Variants in SLC6A12 observed in about 807,000 individuals in gnomAD.
The protein encoded by SLC6A12 is sodium- and chloride-dependent betaine transporter.
Under a neutral mutation model 73.3 loss-of-function variants are expected in SLC6A12, and 50 were observed. That is an observed-to-expected ratio of 0.68 (90% CI 0.54 to 0.86). The LOEUF (loss-of-function observed/expected upper bound fraction) is 0.86, where lower values mean the gene tolerates loss of function less well. Ranked by LOEUF, SLC6A12 falls within the 40% of genes least tolerant of loss-of-function variation. The pLI is 0.00. For synonymous variants in SLC6A12, 304 were observed against 309.2 expected, an observed-to-expected ratio of 0.98 and a Z score of 0.18; for missense variants, 648 against 772.8, an observed-to-expected ratio of 0.84 and a Z score of 1.92.
intron 3 of SLC6A12, among the ~76,000 whole-genome samples, chr12:208,715 T>G (rs1362280211): frequency 2.0e-5 from 3 of 152,180 alleles, no homozygotes; most frequent in Admixed American, 2.0e-4. Flanking sequence ...GAGGAGCGAC[T>G]GCGAATGAAT....
At chr12:196,699 G>A in intron 11 of SLC6A12, 71 bp downstream of exon 11, 3 of 1,066,200 alleles carry the variant, frequency 2.8e-6, no homozygotes, top group Non-Finnish European at 4.3e-6. Flanking sequence ...TGAGGGGAAA[G>A]TAGTCCCAGG....
intron 7 of SLC6A12, among the ~76,000 whole-genome samples, chr12:199,366 C>CTT (rs1198964723): frequency 1.3e-5 from 2 of 152,232 alleles, no homozygotes; most frequent in African/African-American, 4.8e-5. Context: ...TCTGGTCTTT[C>CTT]TTAATCCTTT....
chr12:193,225 T>C, intron 14 of SLC6A12, 52 bp downstream of exon 14: 1 of 1,297,660 alleles, frequency 7.7e-7, no homozygotes, highest in Non-Finnish European at 1.1e-6. Context: ...CCCTCATCTC[T>C]GGAGTCTTCT....
intron 15 of SLC6A12, among the ~76,000 whole-genome samples, chr12:191,837 C>A (rs1313103348): frequency 6.6e-6 from 1 of 152,218 alleles, no homozygotes; most frequent in Non-Finnish European, 1.5e-5. Context: ...TCCCTAAGGG[C>A]CTCTTTAAGC....
At position 209,975 on chromosome 12, in the gene SLC6A12, C is replaced by T. The variant is rs751831587; in HGVS notation, c.12G>A (p.Lys4=). Residue 4 remains lysine, a synonymous_variant, in exon 3 of 16, where the codon AAG becomes AAA. Transcript: ENST00000684302. MDG[K]VAVQECGPPA... is the part of the protein sequence containing the mutation. ...GAGGCCCACACTCTTGCACTGCCACCTTCCCGTCCATGGCTGTGTGGTGGG... is the reference window on the plus strand; with the variant it reads ...GAGGCCCACACTCTTGCACTGCCACTTTCCCGTCCATGGCTGTGTGGTGGG... 3 of 1,614,170 alleles carry T rather than the reference C, an allele frequency of 1.9e-6. No homozygotes were observed. Among genetic ancestry groups the T allele is most frequent in the Admixed American group, 3.3e-5 (2 of 60,024 alleles).
At chr12:191,445 C>T (rs1364630112) in intron 15 of SLC6A12, among the ~76,000 whole-genome samples, 1 of 152,194 alleles carries the variant, frequency 6.6e-6, no homozygotes. Context: ...ACCTGCGCCA[C>T]CTAAGGCTGC....
At chr12:184,396 G>A in the SLC6A12 span, among the ~76,000 whole-genome samples, 1 of 152,104 alleles carries the variant, frequency 6.6e-6, no homozygotes, top group Non-Finnish European at 1.5e-5. Context: ...AGGCCGAGGT[G>A]GGTGGATCAC....
intron 4 of SLC6A12, 79 bp from the exon 5 acceptor site, chr12:202,959 A>G: frequency 8.3e-6 from 11 of 1,328,344 alleles, no homozygotes; most frequent in Non-Finnish European, 9.5e-6. Flanking sequence ...CTGCCAGTTG[A>G]GGTTACAAGG....
downstream of SLC6A12, among the ~76,000 whole-genome samples, chr12:187,589 C>CAAAAAAAAGAAAAAAAAAA (rs1939454062): frequency 9.4e-6 from 1 of 106,074 alleles, no homozygotes; most frequent in African/African-American, 5.3e-5. Context: ...TGCAAAAGAG[C>CAAAAAAAAGAAAAAAAAAA]AAAAAAAAAA....
At position 196,136 on chromosome 12, in the gene SLC6A12, G is replaced by A; in HGVS notation, c.1314C>T (p.Phe438=). 6.4e-7 allele frequency: 1 copy of A among 1,561,592 alleles called. No homozygotes were observed. The highest frequency in any genetic ancestry group is 8.7e-7 in the Non-Finnish European group (1 of 1,152,566). The stretch of plus-strand genomic sequence containing the variant: ...GGCCGCAGCTCACCTCGGTGACCAG[G>A]AAAAGCCCTATCAGGTAGCACATGA... ...IAVMCYLIGL[F]LVTEGGMYIF... The change falls in exon 12 of 16, where the codon TTC becomes TTT. Residue 438 remains phenylalanine (F), a synonymous_variant. Coordinates refer to ENST00000684302, the MANE Select transcript of SLC6A12 (RefSeq NM_001122848.3).
chr12:197,959 G>A lies in SLC6A12; in HGVS notation c.891C>T (p.Ile297=), dbSNP rs1940007563. Residue 297 remains isoleucine (I), a synonymous_variant, in exon 9 of 16, where the codon ATC becomes ATT. Transcript: ENST00000684302. ...CCAGGGCTGTCAGGCACCCCTGGCA[G>A]ATGGCAAAGGAGAAGAAGATCTGGG... ...AGTQIFFSFA[I]CQGCLTALGS... is the part of the protein sequence containing the mutation. 3 of 1,612,918 alleles carry A rather than the reference G, an allele frequency of 1.9e-6. No homozygotes were observed. The highest frequency in any genetic ancestry group is 2.5e-6 in the Non-Finnish European group (3 of 1,179,634).
At chr12:210,802 C>T (rs1940873758) in intron 2 of SLC6A12, among the ~76,000 whole-genome samples, 1 of 152,172 alleles carries the variant, frequency 6.6e-6, no homozygotes, top group Non-Finnish European at 1.5e-5. Context: ...ATGACGGGCT[C>T]CTCAAAAGGG....
rs759925640 is a variant in SLC6A12 at position 202,891 on chromosome 12, G to C, written c.350-11C>G. ...ATGCCAGACCAATGCCTTCCAGAGTGGGGGAGAGATGGGGAGGGACAAGAG... is the reference window on the plus strand; with the variant it reads ...ATGCCAGACCAATGCCTTCCAGAGTCGGGGAGAGATGGGGAGGGACAAGAG... On this transcript the variant is annotated splice_polypyrimidine_tract_variant and intron_variant, in intron 4 of 15. Transcript: ENST00000684302. The C allele has an allele frequency of 5.6e-6, 9 of 1,613,004 alleles. No homozygotes were observed. Among genetic ancestry groups the C allele is most frequent in the African/African-American group, 1.3e-5 (1 of 74,842 alleles).
intron 6 of SLC6A12, among the ~76,000 whole-genome samples, chr12:200,992 T>A (rs1940232206): frequency 6.6e-6 from 1 of 152,014 alleles, no homozygotes; most frequent in Non-Finnish European, 1.5e-5. Flanking sequence ...TTCTAACTCA[T>A]CCAGATTTTT....
chr12:192,747 T>C (rs1017642760), intron 14 of SLC6A12, 99 bp from the exon 15 acceptor site: 1 of 1,117,300 alleles, frequency 9.0e-7, no homozygotes, highest in Non-Finnish European at 1.3e-6. Flanking sequence ...TCAGGTGCAC[T>C]GCAGCACGTC....
chr12:198,169 C>T lies in SLC6A12; in HGVS notation c.847-166G>A, dbSNP rs529031754. On this transcript the variant is annotated intron_variant, in intron 8 of 15. Coordinates refer to ENST00000684302, the MANE Select transcript of SLC6A12 (RefSeq NM_001122848.3). This position sits in a 1 kb window ranked among gnomAD's most constrained non-coding sequence, Gnocchi z 4.0. ...CCGTGAGTGCGCCCTCCGGTCTCCA[C>T]GGTGATCTCCTCCCCAGTGCGGCCC... is the stretch of plus-strand genomic sequence containing the variant. Among the ~76,000 whole-genome samples the T allele has an allele frequency of 2.0e-5, 3 of 152,318 alleles. No homozygotes were observed. The highest frequency in any genetic ancestry group is 2.1e-4 in the South Asian group (1 of 4,832).
chr12:195,036 T>G (rs1294515680), intron 13 of SLC6A12, among the ~76,000 whole-genome samples, 189 bp downstream of exon 13: 2 of 152,200 alleles, frequency 1.3e-5, no homozygotes, highest in Non-Finnish European at 2.9e-5. Context: ...CAGCTCTGCT[T>G]GCTGCCATGA....
chr12:207,811 C>A (rs1297456987), intron 3 of SLC6A12, among the ~76,000 whole-genome samples: 7 of 152,176 alleles, frequency 4.6e-5, no homozygotes, highest in Non-Finnish European at 1.0e-4. Context: ...CAGAAGGGGA[C>A]CCCAACCTCA....
intron 4 of SLC6A12, chr12:203,763 C>A (rs216255): frequency 0.6 from 91,348 of 151,612 alleles, 28,712 homozygotes; most frequent in African/African-American, 0.78. Flanking sequence ...GGAGAGGGGC[C>A]GGGGCGGCGC....
Sources: allele counts gnomAD v4.1 joint callset (sites outside exome capture counted in the v4.1 genomes callset), GRCh38; gene constraint gnomAD v4.1.1; non-coding constraint Gnocchi (gnomAD v3.1); transcripts MANE v1.5; gene names NCBI Gene and HGNC (gene_info 2026-07-23, HGNC 2026-07-21).